TTC28: variants seen among roughly 807,000 people sequenced by gnomAD.
TTC28 encodes the protein tetratricopeptide repeat protein 28.
Under a neutral mutation model 198.0 loss-of-function variants are expected in TTC28, and 61 were observed. The observed-to-expected ratio is 0.31, with a 90% CI of 0.25 to 0.38. The LOEUF (loss-of-function observed/expected upper bound fraction) is 0.38. TTC28 is among the 10% of genes least tolerant of loss of function. The pLI is 1.00. For synonymous variants in TTC28, 1,171 were observed against 1,297.8 expected (o/e 0.90, Z 2.10); for missense variants, 2,678 against 3,164.0 (o/e 0.85, Z 3.69).
At chr22:27,992,960 C>T (rs1937469523) in intron 18 of TTC28, 1 of 557,300 alleles carries the variant, frequency 1.8e-6, no homozygotes, top group Non-Finnish European at 3.2e-6. Flanking sequence ...CTGGGGTTGG[C>T]CGCACAGCTT....
At chr22:28,369,838 TAA>T (rs1478190790) in intron 2 of TTC28, among the ~76,000 whole-genome samples, 2 of 152,152 alleles carry the variant, frequency 1.3e-5, no homozygotes, top group Admixed American at 6.6e-5. Flanking sequence ...AATATATATA[TAA>T]GAGTAATAGG....
chr22:28,068,021 TA>T (rs1471719140), intron 12 of TTC28, among the ~76,000 whole-genome samples: 3 of 152,220 alleles, frequency 2.0e-5, no homozygotes, highest in African/African-American at 7.2e-5. Flanking sequence ...CAGCAGCAAA[TA>T]ATTCAGAACT....
At chr22:28,624,474 A>G (rs2051047667) in intron 2 of TTC28, among the ~76,000 whole-genome samples, 1 of 152,196 alleles carries the variant, frequency 6.6e-6, no homozygotes, top group Admixed American at 6.5e-5. Context: ...TTATCCCAAT[A>G]AAGTTGACAA....
intron 1 of TTC28, among the ~76,000 whole-genome samples, chr22:28,658,660 C>A (rs569362733): frequency 6.6e-6 from 1 of 152,254 alleles, no homozygotes; most frequent in South Asian, 2.1e-4. Flanking sequence ...TAACTGTACA[C>A]ATAAAAATGA....
chr22:28,588,702 G>T (rs1376814410), intron 2 of TTC28, among the ~76,000 whole-genome samples: 1 of 152,176 alleles, frequency 6.6e-6, no homozygotes, highest in East Asian at 1.9e-4. Flanking sequence ...TCTGGCTTTG[G>T]AAGGGATTTT....
Position 27,996,055 on chromosome 22 carries a change from C to T in TTC28, c.5244+80G>A, listed in dbSNP as rs2146533658. On this transcript the variant is annotated intron_variant, in intron 17 of 22. Coordinates refer to ENST00000397906, the MANE Select transcript of TTC28 (RefSeq NM_001145418.2). ...TGTCCTCTCCAACTGCTCACATCCC[C>T]GTGTAGGGAAACCCTTGCCTTCCCC... 12 of 1,490,294 alleles carry T rather than the reference C, an allele frequency of 8.1e-6. No individual in the cohort carries two copies. The Middle Eastern group carries it at 8.7e-4, about 108-fold the overall frequency. The allele number at this position is 1,490,294 out of a possible 1,614,324, so 92.3% of individuals were successfully genotyped here. A position where few individuals can be genotyped will look rare whatever the true frequency, so the allele number is the denominator to read the frequency against.
At chr22:28,356,581 G>A (rs538586521) in intron 2 of TTC28, among the ~76,000 whole-genome samples, 2 of 152,314 alleles carry the variant, frequency 1.3e-5, no homozygotes, top group East Asian at 3.9e-4. Flanking sequence ...TCAGGCATGA[G>A]GATACTTGAA....
intron 2 of TTC28, among the ~76,000 whole-genome samples, chr22:28,436,050 C>T (rs551508263): frequency 6.6e-6 from 1 of 152,314 alleles, no homozygotes; most frequent in Non-Finnish European, 1.5e-5. Flanking sequence ...CAATATTACA[C>T]AACCACCACC....
intron 14 of TTC28, among the ~76,000 whole-genome samples, chr22:28,009,793 C>T (rs1166075643): frequency 6.6e-6 from 1 of 152,210 alleles, no homozygotes; most frequent in Non-Finnish European, 1.5e-5. Context: ...GTGCCTGGCA[C>T]AAGTCAGTAA....
chr22:28,675,883 A>G (rs947053018), intron 1 of TTC28, among the ~76,000 whole-genome samples: 4 of 151,702 alleles, frequency 2.6e-5, no homozygotes, highest in Non-Finnish European at 4.4e-5. Context: ...CCAGGAGTTC[A>G]AGATCAGCCT....
In TTC28 at chr22:28,375,992, T is replaced by C. The variant is rs539356301; in HGVS notation, c.382-69349A>G. The stretch of plus-strand genomic sequence containing the variant: ...TTATTACACCATTGGCTGCCCTGGT[T>C]CTAAGGCTGGTTCAGACTTGGACTG... On this transcript the variant is annotated intron_variant, in intron 2 of 22. Transcript: ENST00000397906. Among the ~76,000 whole-genome samples, 13 of 152,282 alleles carry C rather than the reference T, an allele frequency of 8.5e-5. No homozygotes were observed. The South Asian group carries it at 2.7e-3, about 32-fold the overall frequency.
At chr22:28,400,251 A>G (rs1337189289) in intron 2 of TTC28, among the ~76,000 whole-genome samples, 2 of 152,120 alleles carry the variant, frequency 1.3e-5, no homozygotes, top group Admixed American at 6.6e-5. Flanking sequence ...ACCAATTTTT[A>G]CTTAAAGCTC....
At chr22:28,615,450 T>C (rs1217255595) in intron 2 of TTC28, among the ~76,000 whole-genome samples, 1 of 152,190 alleles carries the variant, frequency 6.6e-6, no homozygotes. Flanking sequence ...CATTACTGGG[T>C]ATATACCCAA....
chr22:28,334,716 T>A (rs1372876570), intron 2 of TTC28, among the ~76,000 whole-genome samples: 1 of 152,212 alleles, frequency 6.6e-6, no homozygotes, highest in Admixed American at 6.5e-5. Flanking sequence ...TCTTGTAAAT[T>A]TGTTTGAGGT....
intron 2 of TTC28, among the ~76,000 whole-genome samples, chr22:28,461,997 T>C (rs2047957097): frequency 6.6e-6 from 1 of 152,234 alleles, no homozygotes; most frequent in Non-Finnish European, 1.5e-5. Context: ...ACCCATGTCA[T>C]AATTTTAGTA....
intron 1 of TTC28, among the ~76,000 whole-genome samples, chr22:28,648,502 A>G (rs1181013536): frequency 1.3e-5 from 2 of 152,240 alleles, no homozygotes; most frequent in Non-Finnish European, 2.9e-5. Flanking sequence ...GTATCCACCC[A>G]AAGGAAAAGA....
chr22:28,145,328 CA>C (rs1200825185), intron 6 of TTC28, among the ~76,000 whole-genome samples: 2 of 152,102 alleles, frequency 1.3e-5, no homozygotes, highest in South Asian at 2.1e-4. Flanking sequence ...CAGGGTCATG[CA>C]AAAGGTAAGA....
chr22:28,199,548 T>TATATATATATATATATACACACAC (rs60177369), intron 5 of TTC28, among the ~76,000 whole-genome samples: 1 of 147,434 alleles, frequency 6.8e-6, no homozygotes, highest in African/African-American at 2.5e-5. Context: ...TATATATATA[T>TATATATATATATATATACACACAC]ACACACAAAC....
rs71194779 is a variant in TTC28, at chr22:28,590,034, C to CA, written c.381+39517dup. Reference sequence around the variant, plus strand: ...CCTGGGCAACAGAACAAGACTCCATCAAAAAAAAAAAAAAAAAAAAAAAAA... The same window carrying CA: ...CCTGGGCAACAGAACAAGACTCCATCAAAAAAAAAAAAAAAAAAAAAAAAAA... On this transcript the variant is annotated intron_variant, in intron 2 of 22. Transcript: ENST00000397906. 7.5e-3 allele frequency among the ~76,000 whole-genome samples: 511 copies of CA among 68,016 alleles called. 39 individuals are homozygous for CA. The highest frequency in any genetic ancestry group is 0.045 in the East Asian group (95 of 2,098). 44.6% of individuals were successfully genotyped at this position (68,016 alleles called of 152,430 possible).
Sources: gnomAD v4.1 joint callset for allele counts (sites outside exome capture counted in the v4.1 genomes callset) on GRCh38, gnomAD v4.1.1 for gene constraint, MANE v1.5 for transcripts, NCBI Gene and HGNC (gene_info 2026-07-23, HGNC 2026-07-21) for gene names.